Variants in PRAG1 observed in about 807,000 individuals in gnomAD.
PRAG1 encodes PEAK1 related, kinase-activating pseudokinase 1.
PRAG1 carries 110 observed loss-of-function variants against 95.6 expected under a neutral mutation model. That is an observed-to-expected ratio of 1.15 (90% CI 0.99 to 1.35). The LOEUF is 1.35. Among genes scored for constraint, PRAG1 ranks in the 40% most tolerant of loss-of-function variants. The pLI is 0.00. For missense variants in PRAG1, 2,554 were observed against 1,864.7 expected, an observed-to-expected ratio of 1.37 and a Z score of -6.81; for synonymous variants, 1,052 against 819.4, an observed-to-expected ratio of 1.28 and a Z score of -4.85.
intron 3 of PRAG1, among the ~76,000 whole-genome samples, chr8:8,375,786 A>C (rs1800365401): frequency 6.6e-6 from 1 of 152,050 alleles, no homozygotes; most frequent in Non-Finnish European, 1.5e-5. Flanking sequence ...CGGCCTCCCA[A>C]AGTGTTAGGA....
At chr8:8,385,395 G>GA (rs548703995) in intron 1 of PRAG1, among the ~76,000 whole-genome samples, 6 of 152,154 alleles carry the variant, frequency 3.9e-5, no homozygotes, top group Non-Finnish European at 8.8e-5. Context: ...TCAGAGGGAG[G>GA]AATGTGGTTT....
Position 8,319,254 on chromosome 8 carries a change from C to T in PRAG1, c.3121G>A (p.Val1041Met), listed in dbSNP as rs28533138. 6.1e-3 allele frequency: 9,390 copies of T among 1,539,644 alleles called. 415 individuals are homozygous for T. In the African/African-American group the frequency reaches 0.1, roughly 17 times the overall value. Residue 1041 changes from valine (V) to methionine (M), a missense_variant, in exon 6 of 6, where the codon GTG (valine) becomes ATG (methionine). Transcript: ENST00000615670. ...TGCTGGATGTTAAAGTGCACGGGCA[C>T]GGACGGGCTGCAGTAGGAGACTGTT... ...PKTVSYCSPSVPVHFNIQQDC... is the reference protein window; with the variant it reads ...PKTVSYCSPSMPVHFNIQQDC...
In PRAG1 at chr8:8,376,288, C is replaced by G; in HGVS notation, c.2121G>C (p.Gly707=). The change falls in exon 3 of 6, where the codon GGG becomes GGC. Residue 707 remains glycine (G), a synonymous_variant. Transcript: ENST00000615670. The part of the protein sequence containing the change: ...FAFEFPKDRS[G]IETFSPPPPP... ...GAGGAGGAGGTGAGAATGTCTCAAT[C>G]CCACTTCTGTCCTTGGGGAACTCAA... 2 of 1,614,152 alleles carry G rather than the reference C, an allele frequency of 1.2e-6. No homozygotes were observed. The highest frequency in any genetic ancestry group is 1.7e-6 in the Non-Finnish European group (2 of 1,180,036).
chr8:8,358,004 T>A (rs183219169), intron 3 of PRAG1, among the ~76,000 whole-genome samples: 1 of 152,154 alleles, frequency 6.6e-6, no homozygotes, highest in African/African-American at 2.4e-5. Context: ...ACTATCTACC[T>A]AGAGGTAGAG....
chr8:8,342,666 G>A (rs1199663476), intron 3 of PRAG1, among the ~76,000 whole-genome samples: 1 of 152,076 alleles, frequency 6.6e-6, no homozygotes, highest in Non-Finnish European at 1.5e-5. Context: ...GAAACAGACT[G>A]GAGGATTAAC....
At chr8:8,341,523 A>C (rs1799162514) in intron 3 of PRAG1, among the ~76,000 whole-genome samples, 1 of 152,168 alleles carries the variant, frequency 6.6e-6, no homozygotes, top group Non-Finnish European at 1.5e-5. Flanking sequence ...TTCTATTTCA[A>C]GTTTTCTAAG....
chr8:8,337,506 G>C (rs1176068817), intron 4 of PRAG1, among the ~76,000 whole-genome samples: 1 of 152,118 alleles, frequency 6.6e-6, no homozygotes, highest in Non-Finnish European at 1.5e-5. Context: ...GAGAGAGAAA[G>C]AATGTCATGC....
intron 3 of PRAG1, among the ~76,000 whole-genome samples, chr8:8,370,380 G>T (rs1800151942): frequency 1.3e-5 from 2 of 152,186 alleles, no homozygotes; most frequent in African/African-American, 2.4e-5. Context: ...CTGAAATACG[G>T]CCAGTATTCA....
chr8:8,325,478 G>A (rs1003959379), intron 5 of PRAG1, among the ~76,000 whole-genome samples: 2 of 152,142 alleles, frequency 1.3e-5, no homozygotes, highest in Non-Finnish European at 1.5e-5. Flanking sequence ...AATGAAATAA[G>A]GAGCAACACT....
At chr8:8,382,045 C>T (rs936652171) in intron 1 of PRAG1, among the ~76,000 whole-genome samples, 8 of 152,252 alleles carry the variant, frequency 5.3e-5, no homozygotes, top group Admixed American at 3.3e-4. Context: ...AAAAACTAAA[C>T]ATAGCCTTGT....
At chr8:8,383,120 C>T (rs1318474489) in intron 1 of PRAG1, among the ~76,000 whole-genome samples, 2 of 152,192 alleles carry the variant, frequency 1.3e-5, no homozygotes, top group Non-Finnish European at 2.9e-5. Context: ...AATCTCTAAA[C>T]TGTCAACAGG....
chr8:8,377,057 C>T lies in PRAG1; in HGVS notation c.1352G>A (p.Trp451Ter). 1 of 1,613,994 alleles carries T rather than the reference C, an allele frequency of 6.2e-7. No homozygotes were observed. The highest frequency in any genetic ancestry group is 8.5e-7 in the Non-Finnish European group (1 of 1,180,024). The change falls in exon 3 of 6, where the codon TGG (tryptophan) becomes TAG (stop). Residue 451 changes from tryptophan (W) to a stop codon, truncating the protein, a stop_gained. Coordinates refer to ENST00000615670, the MANE Select transcript of PRAG1 (RefSeq NM_001080826.3). LOFTEE classifies it high-confidence loss of function. The part of the protein sequence containing the change: ...GQGQVCTGNA[W>*]AQKAASGWGR... The stretch of plus-strand genomic sequence containing the variant: ...CCAGCCAGATGCTGCTTTCTGGGCC[C>T]AGGCATTACCTGTGCATACCTGGCC...
intron 3 of PRAG1, among the ~76,000 whole-genome samples, chr8:8,366,214 C>T (rs1213498455): frequency 5.9e-5 from 9 of 151,930 alleles, no homozygotes; most frequent in Admixed American, 3.9e-4. Flanking sequence ...TTTGGCATTT[C>T]GGTCTAAAAT....
chr8:8,369,461 A>G lies in PRAG1; in HGVS notation c.2162+6786T>C, dbSNP rs1048918346. Among the ~76,000 whole-genome samples, 21 of 152,212 alleles carry G rather than the reference A, an allele frequency of 1.4e-4. 1 individual carries two copies. Among genetic ancestry groups the G allele is most frequent in the Non-Finnish European group, 1.5e-5 (1 of 68,038 alleles). On this transcript the variant is annotated intron_variant, in intron 3 of 5. Transcript: ENST00000615670. ...TTTTAGGATACACTGCATTCAAAGCAATTTGCTTTTTTCTTCAACATTTCT... is the reference window on the plus strand; with the variant it reads ...TTTTAGGATACACTGCATTCAAAGCGATTTGCTTTTTTCTTCAACATTTCT...
chr8:8,335,800 C>G (rs1798966656), intron 4 of PRAG1, among the ~76,000 whole-genome samples: 2 of 151,834 alleles, frequency 1.3e-5, no homozygotes, highest in South Asian at 2.1e-4. Flanking sequence ...TTCTTATTGT[C>G]TATCTCTCCT....
intron 3 of PRAG1, among the ~76,000 whole-genome samples, chr8:8,347,406 C>T (rs190716165): frequency 6.6e-6 from 1 of 152,384 alleles, no homozygotes; most frequent in Non-Finnish European, 1.5e-5. Flanking sequence ...ACAGAGACGG[C>T]TCTGCCTCTC....
At chr8:8,346,634 C>G (rs986107747) in intron 3 of PRAG1, among the ~76,000 whole-genome samples, 1 of 152,358 alleles carries the variant, frequency 6.6e-6, no homozygotes, top group South Asian at 2.1e-4. Flanking sequence ...CAAGCCTCAT[C>G]TAAAAATACC....
intron 4 of PRAG1, among the ~76,000 whole-genome samples, chr8:8,333,759 C>G (rs1798895054): frequency 6.6e-6 from 1 of 152,226 alleles, no homozygotes; most frequent in African/African-American, 2.4e-5. Flanking sequence ...AAGCAAAGGG[C>G]AGCGTCCCAA....
At position 8,377,691 on chromosome 8, in the gene PRAG1, G is replaced by C; in HGVS notation, c.718C>G (p.Gln240Glu). 6.2e-7 allele frequency: 1 copy of C among 1,613,878 alleles called. No homozygotes were observed. The highest frequency in any genetic ancestry group is 8.5e-7 in the Non-Finnish European group (1 of 1,179,982). Residue 240 changes from glutamine to glutamate, a missense_variant, in exon 3 of 6, where the codon CAA becomes GAA. Transcript: ENST00000615670. ...CTGTCCCCGGAGGGCGAGCACCTTTGATCACTGTCATCCTCCGAGGGCAGG... is the reference window on the plus strand; with the variant it reads ...CTGTCCCCGGAGGGCGAGCACCTTTCATCACTGTCATCCTCCGAGGGCAGG... ...ESLPSEDDSD[Q>E]RCSPSGDSEG...
Sources: gnomAD v4.1 joint callset for allele counts (sites outside exome capture counted in the v4.1 genomes callset) on GRCh38, gnomAD v4.1.1 for gene constraint, MANE v1.5 for transcripts, NCBI Gene and HGNC (gene_info 2026-07-23, HGNC 2026-07-21) for gene names.